Variants in PNKD observed in about 807,000 individuals in gnomAD.
PNKD encodes the protein PNKD metallo-beta-lactamase domain containing, also known as probable thioesterase PNKD.
A neutral mutation model predicts 45.3 loss-of-function variants in PNKD; 36 were observed. The ratio of observed to expected loss-of-function variants is 0.80; its 90% CI spans 0.61 to 1.05. The LOEUF (loss-of-function observed/expected upper bound fraction) is 1.05, where lower values mean the gene tolerates loss of function less well. Ranked by LOEUF, PNKD falls within the 50% of genes least tolerant of loss-of-function variation. The pLI, the probability that PNKD is intolerant of heterozygous loss-of-function variation, is 0.00. For synonymous variants in PNKD, 197 were observed against 210.1 expected (o/e 0.94, Z 0.54); for missense variants, 511 against 506.6 (o/e 1.01, Z -0.08).
At chr2:218,271,616 A>G (rs1690836603) in intron 2 of PNKD, 67 bp downstream of exon 2, 53 of 1,431,150 alleles carry the variant, frequency 3.7e-5, no homozygotes, top group Admixed American at 9.6e-5. Flanking sequence ...GGACTTAGAA[A>G]CTTCTCCAAG....
At chr2:218,315,006 C>CTTTCTTTCTT (rs1693736819) in intron 2 of PNKD, among the ~76,000 whole-genome samples, 2 of 53,818 alleles carry the variant, frequency 3.7e-5, no homozygotes, top group Admixed American at 4.5e-4. Flanking sequence ...TTCTTTCTTT[C>CTTTCTTTCTT]TTTCTTTTTC....
At chr2:218,328,297 G>A (rs545040638) in intron 2 of PNKD, among the ~76,000 whole-genome samples, 2 of 152,224 alleles carry the variant, frequency 1.3e-5, no homozygotes, top group East Asian at 3.9e-4. Flanking sequence ...ATGGCTTGCT[G>A]CCTCACTTCC....
intron 2 of PNKD, among the ~76,000 whole-genome samples, chr2:218,311,401 C>T (rs759091315): frequency 1.3e-5 from 2 of 152,186 alleles, no homozygotes; most frequent in African/African-American, 2.4e-5. Context: ...GCACCGGTGC[C>T]GGCCTCTGAG....
chr2:218,327,962 GAAAA>G (rs72151766), intron 2 of PNKD: 66 of 122,458 alleles, frequency 5.4e-4, no homozygotes, highest in Middle Eastern at 4.8e-3. Flanking sequence ...AACTCCATCT[GAAAA>G]AAAAAAAAAA....
At chr2:218,330,226 C>T (rs891583379) in intron 2 of PNKD, among the ~76,000 whole-genome samples, 1 of 152,236 alleles carries the variant, frequency 6.6e-6, no homozygotes, top group Non-Finnish European at 1.5e-5. Flanking sequence ...TTCCTACTCC[C>T]CCTGGCCTGA....
intron 2 of PNKD, chr2:218,274,586 C>T (rs868124955): frequency 6.4e-6 from 1 of 155,344 alleles, no homozygotes; most frequent in Non-Finnish European, 1.5e-5. Flanking sequence ...CCTGCCCGCA[C>T]CGAGTCTCTC....
At position 218,343,481 on chromosome 2, in the gene PNKD, C is replaced by G. The variant is rs779635681; in HGVS notation, c.782-19C>G. ...TGTTATCCTGGCACCTTGTGACATA[C>G]CCTCCAACCCCCACCCAGGGCGGAC... On this transcript the variant is annotated intron_variant, in intron 7 of 9. Transcript: ENST00000273077. 1.3e-6 allele frequency: 2 copies of G among 1,599,832 alleles called. No homozygotes were observed. The highest frequency in any genetic ancestry group is 8.6e-7 in the Non-Finnish European group (1 of 1,168,424).
chr2:218,325,648 T>A (rs965364899), intron 2 of PNKD, among the ~76,000 whole-genome samples: 1 of 152,202 alleles, frequency 6.6e-6, no homozygotes, highest in Non-Finnish European at 1.5e-5. Flanking sequence ...CCTGAGGAAG[T>A]GGAAAATAGA....
chr2:218,317,787 G>A (rs151202254), intron 2 of PNKD: 1 of 152,302 alleles, frequency 6.6e-6, no homozygotes, highest in Admixed American at 6.6e-5. Flanking sequence ...AATGGTCCAC[G>A]AGGGAAAGTG....
At chr2:218,341,731 A>G in intron 6 of PNKD, 105 bp downstream of exon 6, 1 of 928,462 alleles carries the variant, frequency 1.1e-6, no homozygotes, top group Non-Finnish European at 1.7e-6. Context: ...GATCTTTGCC[A>G]GTGCCCTTCC....
At chr2:218,276,187 A>C (rs1008195193) in intron 2 of PNKD, 4 of 1,198,260 alleles carry the variant, frequency 3.3e-6, no homozygotes, top group Non-Finnish European at 4.8e-6. Context: ...AGAGCTGGGA[A>C]GCTAGCTCTC....
intron 2 of PNKD, chr2:218,278,324 G>A: frequency 4.7e-6 from 3 of 637,428 alleles, no homozygotes; most frequent in Non-Finnish European, 8.2e-6. Flanking sequence ...CTATAAGAGT[G>A]ACAGCTAGTT....
intron 2 of PNKD, among the ~76,000 whole-genome samples, chr2:218,282,446 C>T (rs939733700): frequency 1.3e-5 from 2 of 152,206 alleles, no homozygotes; most frequent in East Asian, 1.9e-4. Flanking sequence ...AGGAAGGATT[C>T]GCTGAGGAGA....
At chr2:218,337,385 T>C (rs1052131743) in intron 2 of PNKD, among the ~76,000 whole-genome samples, 1 of 152,196 alleles carries the variant, frequency 6.6e-6, no homozygotes, top group Admixed American at 6.5e-5. Context: ...CAATTCTTAA[T>C]ACGTGCACAT....
chr2:218,317,488 G>A (rs1693846892), intron 2 of PNKD, among the ~76,000 whole-genome samples: 1 of 152,222 alleles, frequency 6.6e-6, no homozygotes, highest in African/African-American at 2.4e-5. Flanking sequence ...CTGATGAGGA[G>A]GGGTGGAAAG....
At chr2:218,306,521 C>T (rs995622525) in intron 2 of PNKD, among the ~76,000 whole-genome samples, 3 of 152,160 alleles carry the variant, frequency 2.0e-5, no homozygotes, top group Non-Finnish European at 2.9e-5. Flanking sequence ...GTTAATCCTC[C>T]GAGTAGCTCC....
intron 2 of PNKD, among the ~76,000 whole-genome samples, chr2:218,328,802 T>C (rs1694229236): frequency 6.6e-6 from 1 of 152,222 alleles, no homozygotes; most frequent in African/African-American, 2.4e-5. Flanking sequence ...TGAACCTCTG[T>C]CTCCAGACCG....
intron 2 of PNKD, among the ~76,000 whole-genome samples, chr2:218,289,500 G>A (rs1056305201): frequency 1.3e-5 from 2 of 151,734 alleles, no homozygotes; most frequent in African/African-American, 4.8e-5. Flanking sequence ...AAATTAGCCG[G>A]GCATGGTGGC....
In PNKD at chr2:218,344,850, C is replaced by G. The variant is rs769701635; in HGVS notation, c.1027C>G (p.Leu343Val). 1 of 1,614,044 alleles carries G rather than the reference C, an allele frequency of 6.2e-7. No homozygotes were observed. The highest frequency in any genetic ancestry group is 1.7e-5 in the Admixed American group (1 of 60,024). ...LGEERSYNPF[L>V]RTHCLALQEA... ...AGAGGAGCGCTCCTACAACCCGTTC[C>G]TGAGAACCCACTGCCTGGCGCTACA... Residue 343 changes from leucine to valine, a missense_variant, in exon 10 of 10, where the codon CTG (leucine) becomes GTG (valine). Leu to Val is a conservative substitution (Grantham distance 32). Coordinates refer to ENST00000273077, the MANE Select transcript of PNKD (RefSeq NM_015488.5).
Sources: gnomAD v4.1 joint callset for allele counts (sites outside exome capture counted in the v4.1 genomes callset) on GRCh38, gnomAD v4.1.1 for gene constraint, MANE v1.5 for transcripts, NCBI Gene and HGNC (gene_info 2026-07-23, HGNC 2026-07-21) for gene names.